The following ADAM18 variants were observed in gnomAD, a reference collection of about 807,000 sequenced individuals.
ADAM18 encodes the protein disintegrin and metalloproteinase domain-containing protein 18.
Under a neutral mutation model 94.4 loss-of-function variants are expected in ADAM18, and 117 were observed. That is an observed-to-expected ratio of 1.24 (90% CI 1.07 to 1.45). The LOEUF (loss-of-function observed/expected upper bound fraction) is 1.45, where lower values mean the gene tolerates loss of function less well. ADAM18 is among the 40% of genes most tolerant of loss of function. ADAM18 has a pLI of 0.00. For missense variants in ADAM18, 936 were observed against 880.0 expected (o/e 1.06, Z -0.81); for synonymous variants, 327 against 291.6 (o/e 1.12, Z -1.24).
At chr8:39,651,277 C>G (rs201959211) in intron 12 of ADAM18, among the ~76,000 whole-genome samples, 11 of 151,932 alleles carry the variant, frequency 7.2e-5, no homozygotes, top group Non-Finnish European at 1.2e-4. Flanking sequence ...GAGACAGATG[C>G]CTTTCTCTTA....
intron 17 of ADAM18, among the ~76,000 whole-genome samples, chr8:39,702,009 T>G (rs1211746184): frequency 6.6e-6 from 1 of 152,176 alleles, no homozygotes; most frequent in African/African-American, 2.4e-5. Flanking sequence ...TACCCAGAAA[T>G]AGGATTGCTG....
intron 14 of ADAM18, among the ~76,000 whole-genome samples, chr8:39,673,750 G>T (rs1821221423): frequency 6.6e-6 from 1 of 152,094 alleles, no homozygotes; most frequent in Non-Finnish European, 1.5e-5. Flanking sequence ...GCTTTCTCTT[G>T]TGGGCATTTA....
At chr8:39,726,257 T>TAC (rs34664356) in intron 19 of ADAM18, among the ~76,000 whole-genome samples, 48,353 of 145,194 alleles carry the variant, frequency 0.33, 7,994 homozygotes, top group South Asian at 0.42. Flanking sequence ...GTATGAGATC[T>TAC]ACACACACAC....
chr8:39,603,600 T>C (rs181474383), intron 2 of ADAM18, among the ~76,000 whole-genome samples: 1 of 152,328 alleles, frequency 6.6e-6, no homozygotes, highest in East Asian at 1.9e-4. Context: ...AAAATATACA[T>C]CACTTGCTTC....
chr8:39,646,926 G>T (rs954237054), intron 11 of ADAM18, among the ~76,000 whole-genome samples: 1 of 152,150 alleles, frequency 6.6e-6, no homozygotes, highest in Non-Finnish European at 1.5e-5. Context: ...TTAAGATAGT[G>T]TTGTCAAGAA....
chr8:39,649,693 A>G (rs1820473969), intron 12 of ADAM18, among the ~76,000 whole-genome samples: 1 of 152,162 alleles, frequency 6.6e-6, no homozygotes, highest in African/African-American at 2.4e-5. Context: ...TATCAGAGAC[A>G]TTCTGCTGGA....
At chr8:39,615,890 T>A (rs1365367619) in intron 6 of ADAM18, among the ~76,000 whole-genome samples, 1 of 151,984 alleles carries the variant, frequency 6.6e-6, no homozygotes. Context: ...GTAAAAAAAA[T>A]AAGTAGCACT....
At chr8:39,623,619 C>A (rs1006192680) in intron 6 of ADAM18, among the ~76,000 whole-genome samples, 3 of 151,672 alleles carry the variant, frequency 2.0e-5, no homozygotes, top group Admixed American at 1.3e-4. Flanking sequence ...TGTTTTGAGA[C>A]GGAGTCTCGC....
At position 39,668,112 on chromosome 8, in the gene ADAM18, C is replaced by G; in HGVS notation, c.1441C>G (p.Arg481Gly). ...TCCTGACACTTATGCATTGAATGGC[C>G]GTTTGTGCAAGTTGGGAACTGCCTA... ...CVPDTYALNG[R>G]LCKLGTAYCY... is the part of the protein sequence containing the mutation. The change falls in exon 14 of 20, where the codon CGT (arginine) becomes GGT (glycine). Residue 481 changes from arginine (R) to glycine (G), a missense_variant. Coordinates refer to ENST00000265707, the MANE Select transcript of ADAM18 (RefSeq NM_014237.3). The G allele has an allele frequency of 6.2e-7, 1 of 1,614,046 alleles. No individual in the cohort carries two copies. Among genetic ancestry groups the G allele is most frequent in the South Asian group, 1.1e-5 (1 of 91,076 alleles).
At chr8:39,610,840 A>T in intron 6 of ADAM18, 134 bp downstream of exon 6, 1 of 1,284,416 alleles carries the variant, frequency 7.8e-7, no homozygotes. Flanking sequence ...CTTTAAATAA[A>T]ACATTGAAAC....
Position 39,668,056 on chromosome 8 carries a change from A to C in ADAM18, c.1385A>C (p.Glu462Ala). 1 of 1,614,096 alleles carries C rather than the reference A, an allele frequency of 6.2e-7. No individual in the cohort carries two copies. The highest frequency in any genetic ancestry group is 8.5e-7 in the Non-Finnish European group (1 of 1,180,008). The change falls in exon 14 of 20, where the codon GAG (glutamate) becomes GCG (alanine). Residue 462 changes from glutamate (E) to alanine (A), a missense_variant. By Grantham distance (107) the Glu-to-Ala change is moderately radical (BLOSUM62 -1). Coordinates refer to ENST00000265707, the MANE Select transcript of ADAM18 (RefSeq NM_014237.3). ...ATTGATCCAGAGTGTGATTTTACAGAGTACTGCAATGGAACCTCTAGTAAT... is the reference window on the plus strand; with the variant it reads ...ATTGATCCAGAGTGTGATTTTACAGCGTACTGCAATGGAACCTCTAGTAAT... ...KSIDPECDFT[E>A]YCNGTSSNCV...
At chr8:39,636,022 TGAG>T (rs1820066730) in intron 7 of ADAM18, among the ~76,000 whole-genome samples, 1 of 144,696 alleles carries the variant, frequency 6.9e-6, no homozygotes, top group African/African-American at 2.6e-5. Context: ...TTTTTTTTTT[TGAG>T]AGAGAGAGAG....
At chr8:39,719,271 TTA>T (rs1822676428) in intron 18 of ADAM18, among the ~76,000 whole-genome samples, 1 of 151,420 alleles carries the variant, frequency 6.6e-6, no homozygotes, top group Admixed American at 6.6e-5. Flanking sequence ...GCTAGAATAA[TTA>T]TATATTTATA....
At chr8:39,711,689 C>A (rs1332522234) in intron 18 of ADAM18, among the ~76,000 whole-genome samples, 1 of 151,864 alleles carries the variant, frequency 6.6e-6, no homozygotes, top group Non-Finnish European at 1.5e-5. Flanking sequence ...GTAGGCAGAA[C>A]AATTGAAATG....
At chr8:39,723,997 T>A in intron 19 of ADAM18, 90 bp downstream of exon 19, 2 of 767,156 alleles carry the variant, frequency 2.6e-6, no homozygotes, top group Non-Finnish European at 3.7e-6. Context: ...GTTATATTAA[T>A]TCTTAAATAT....
intron 16 of ADAM18, among the ~76,000 whole-genome samples, chr8:39,690,432 G>T (rs1295222093): frequency 6.6e-6 from 1 of 152,108 alleles, no homozygotes; most frequent in East Asian, 1.9e-4. Context: ...GTCATAGGTG[G>T]GAGGTGCTAC....
intron 12 of ADAM18, among the ~76,000 whole-genome samples, chr8:39,662,081 T>A (rs964937229): frequency 3.9e-5 from 6 of 151,958 alleles, no homozygotes; most frequent in Non-Finnish European, 7.4e-5. Flanking sequence ...ATTGCACAAA[T>A]GCAAATTTAT....
At chr8:39,690,274 G>T (rs78488739) in intron 16 of ADAM18, among the ~76,000 whole-genome samples, 12,558 of 152,108 alleles carry the variant, frequency 0.083, 704 homozygotes, top group Non-Finnish European at 0.12. Flanking sequence ...CCAGCATGTG[G>T]CACCATGGGC....
intron 7 of ADAM18, among the ~76,000 whole-genome samples, chr8:39,629,862 C>T (rs905001610): frequency 2.6e-5 from 4 of 151,782 alleles, no homozygotes; most frequent in African/African-American, 9.7e-5. Context: ...AGTAACAGCC[C>T]AAACTAGCCT....
Sources: allele counts gnomAD v4.1 joint callset (sites outside exome capture counted in the v4.1 genomes callset), GRCh38; gene constraint gnomAD v4.1.1; transcripts MANE v1.5; gene names NCBI Gene and HGNC (gene_info 2026-07-23, HGNC 2026-07-21).